PDS5B: variants seen among roughly 807,000 people sequenced by gnomAD.
PDS5B encodes the protein PDS5 cohesin associated factor B.
In PDS5B, 51 loss-of-function variants were observed where a neutral mutation model predicts 184.1. That is an observed-to-expected ratio of 0.28 (90% confidence interval 0.22 to 0.35). The LOEUF is 0.35. PDS5B is among the 10% of genes least tolerant of loss of function. The pLI is 1.00. For synonymous variants in PDS5B, 566 were observed against 569.2 expected (o/e 0.99, Z 0.08); for missense variants, 1,180 against 1,723.3 (o/e 0.68, Z 5.58).
At chr13:32,589,111 T>C (rs1206674042) in intron 1 of PDS5B, among the ~76,000 whole-genome samples, 1 of 152,216 alleles carries the variant, frequency 6.6e-6, no homozygotes, top group Non-Finnish European at 1.5e-5. Context: ...TCTGTTAGTG[T>C]TAAAGAGCAA....
intron 10 of PDS5B, among the ~76,000 whole-genome samples, chr13:32,679,890 T>A (rs1593410744): frequency 1.6e-5 from 2 of 127,432 alleles, no homozygotes; most frequent in East Asian, 4.0e-4. Context: ...TGTGAGTGTG[T>A]GTGTGTGTGT....
chr13:32,606,404 T>A (rs2058061339), intron 1 of PDS5B, among the ~76,000 whole-genome samples: 1 of 152,240 alleles, frequency 6.6e-6, no homozygotes, highest in African/African-American at 2.4e-5. Context: ...CCCCACTCTC[T>A]TCTGGCTTGT....
At chr13:32,638,811 A>AGAGGGAGGG (rs2058608619) in intron 1 of PDS5B, among the ~76,000 whole-genome samples, 1 of 151,996 alleles carries the variant, frequency 6.6e-6, no homozygotes, top group African/African-American at 2.4e-5. Context: ...GTATTAGGGA[A>AGAGGGAGGG]GAGGGAGGGA....
At chr13:32,606,712 T>A (rs991990394) in intron 1 of PDS5B, among the ~76,000 whole-genome samples, 18 of 152,226 alleles carry the variant, frequency 1.2e-4, no homozygotes, top group Non-Finnish European at 2.2e-4. Flanking sequence ...ACGAATCAGA[T>A]GTAGATTTGG....
chr13:32,620,616 C>T (rs2058285659), intron 1 of PDS5B, among the ~76,000 whole-genome samples: 1 of 149,312 alleles, frequency 6.7e-6, no homozygotes, highest in African/African-American at 2.5e-5. Flanking sequence ...GAGATTGTGC[C>T]ACTGCACTCC....
At chr13:32,719,878 C>T (rs1439475785) in intron 19 of PDS5B, among the ~76,000 whole-genome samples, 3 of 150,040 alleles carry the variant, frequency 2.0e-5, no homozygotes, top group Admixed American at 6.6e-5. Context: ...GCAACCTCTG[C>T]CTCCCAGGTT....
At chr13:32,760,067 T>C (rs1954322185) in intron 29 of PDS5B, among the ~76,000 whole-genome samples, 1 of 152,134 alleles carries the variant, frequency 6.6e-6, no homozygotes, top group Non-Finnish European at 1.5e-5. Context: ...GTCATTCTCC[T>C]GCCTCAGCCT....
At chr13:32,762,907 T>C (rs1198274574) in intron 30 of PDS5B, among the ~76,000 whole-genome samples, 1 of 152,194 alleles carries the variant, frequency 6.6e-6, no homozygotes, top group Non-Finnish European at 1.5e-5. Flanking sequence ...CTTAATTGGC[T>C]TCCCTTGTTT....
intron 1 of PDS5B, among the ~76,000 whole-genome samples, chr13:32,612,000 T>C (rs926167385): frequency 3.3e-5 from 5 of 152,172 alleles, no homozygotes; most frequent in African/African-American, 4.8e-5. Flanking sequence ...TTTAATTTCA[T>C]ATGAAATCTG....
chr13:32,687,313 G>A (rs772215388), intron 12 of PDS5B, 28 bp downstream of exon 12: 1 of 1,471,076 alleles, frequency 6.8e-7, no homozygotes, highest in Non-Finnish European at 9.2e-7. Flanking sequence ...TAAATATTTG[G>A]TGACTTTGAA....
Position 32,699,852 on chromosome 13 carries a change from C to T in PDS5B, c.1723C>T (p.Gln575Ter). Residue 575 changes from glutamine (Q) to a stop codon, truncating the protein, a stop_gained, in exon 16 of 35, where the codon CAG becomes TAG. Coordinates refer to ENST00000315596, the MANE Select transcript of PDS5B (RefSeq NM_015032.4). LOFTEE classifies it high-confidence loss of function. ...VLVSPTCSCK[Q>*]AEGCVREITK... The stretch of plus-strand genomic sequence containing the variant: ...TGTTAGTCCAACATGCTCCTGCAAG[C>T]AGGCTGAAGGTTGTGTGGTAAGGAG... 3 of 1,570,958 alleles carry T rather than the reference C, an allele frequency of 1.9e-6. No individual in the cohort carries two copies. The highest frequency in any genetic ancestry group is 1.2e-5 in the South Asian group (1 of 80,864).
chr13:32,625,056 A>G (rs983945987), intron 1 of PDS5B, among the ~76,000 whole-genome samples: 2 of 152,114 alleles, frequency 1.3e-5, no homozygotes, highest in Non-Finnish European at 2.9e-5. Flanking sequence ...GTATTAATAT[A>G]TATATTACTG....
intron 24 of PDS5B, among the ~76,000 whole-genome samples, chr13:32,746,783 G>GC (rs1180725399): frequency 6.6e-6 from 1 of 152,278 alleles, no homozygotes; most frequent in East Asian, 1.9e-4. Flanking sequence ...TTTGACATTA[G>GC]CTGGGAATGT....
chr13:32,740,621 ATG>A (rs1953506223), intron 21 of PDS5B, among the ~76,000 whole-genome samples: 1 of 152,116 alleles, frequency 6.6e-6, no homozygotes, highest in African/African-American at 2.4e-5. Flanking sequence ...GTACTTGCAC[ATG>A]ATCACCTCAG....
At chr13:32,730,616 T>A (rs1292948816) in intron 19 of PDS5B, among the ~76,000 whole-genome samples, 2 of 152,214 alleles carry the variant, frequency 1.3e-5, no homozygotes, top group African/African-American at 4.8e-5. Flanking sequence ...TCCTCTCTTT[T>A]TTCATTAAGC....
chr13:32,670,113 C>T (rs117142625), intron 7 of PDS5B, among the ~76,000 whole-genome samples: 2,129 of 150,546 alleles, frequency 0.014, 26 homozygotes, highest in Middle Eastern at 0.051. Flanking sequence ...CTTTTTCATT[C>T]ACACATACAG....
intron 1 of PDS5B, among the ~76,000 whole-genome samples, chr13:32,648,323 G>C (rs1950279149): frequency 6.6e-6 from 1 of 152,102 alleles, no homozygotes; most frequent in Non-Finnish European, 1.5e-5. Flanking sequence ...CATCAAAACT[G>C]AATCCCACAT....
chr13:32,647,383 A>G (rs1346124499), intron 1 of PDS5B, among the ~76,000 whole-genome samples: 1 of 151,930 alleles, frequency 6.6e-6, no homozygotes, highest in Admixed American at 6.6e-5. Context: ...CAGCTCCCCT[A>G]CTGCAGCCTC....
chr13:32,730,791 G>T (rs1953090659), intron 19 of PDS5B, among the ~76,000 whole-genome samples: 1 of 152,204 alleles, frequency 6.6e-6, no homozygotes. Context: ...TTTGCACATT[G>T]ATTTTGTATC....
Sources: allele counts gnomAD v4.1 joint callset (sites outside exome capture counted in the v4.1 genomes callset), GRCh38; gene constraint gnomAD v4.1.1; transcripts MANE v1.5; gene names NCBI Gene and HGNC (gene_info 2026-07-23, HGNC 2026-07-21).